SLC17A5: variants seen among roughly 807,000 people sequenced by gnomAD.
SLC17A5 encodes solute carrier family 17 member 5.
A neutral mutation model predicts 59.4 loss-of-function variants in SLC17A5; 47 were observed. The observed-to-expected ratio is 0.79, with a 90% confidence interval of 0.63 to 1.01. The LOEUF is 1.01. SLC17A5 is among the 50% of genes least tolerant of loss of function. The pLI, the probability that SLC17A5 is intolerant of heterozygous loss-of-function variation, is 0.00. For synonymous variants in SLC17A5, 202 were observed against 210.7 expected, an observed-to-expected ratio of 0.96 and a Z score of 0.36; for missense variants, 522 against 595.5, an observed-to-expected ratio of 0.88 and a Z score of 1.28.
chr6:73,632,026 G>A (rs1351790744), intron 6 of SLC17A5, among the ~76,000 whole-genome samples: 1 of 146,908 alleles, frequency 6.8e-6, no homozygotes, highest in Non-Finnish European at 1.5e-5. Flanking sequence ...CAGTCTGGTT[G>A]TACAAGGTGA....
intron 10 of SLC17A5, among the ~76,000 whole-genome samples, chr6:73,597,487 C>CA (rs370577326): frequency 2.0e-5 from 3 of 146,718 alleles, no homozygotes; most frequent in African/African-American, 7.5e-5. Context: ...CAAAACAAAA[C>CA]AAAAAAAACC....
intron 1 of SLC17A5, among the ~76,000 whole-genome samples, chr6:73,650,533 A>G (rs1249855194): frequency 1.4e-5 from 2 of 148,092 alleles, no homozygotes; most frequent in African/African-American, 5.0e-5. Context: ...AAAAAAAAAG[A>G]AAAAGAAAAA....
intron 7 of SLC17A5, among the ~76,000 whole-genome samples, chr6:73,619,227 T>G (rs1295584668): frequency 6.6e-6 from 1 of 152,176 alleles, no homozygotes; most frequent in Non-Finnish European, 1.5e-5. Flanking sequence ...TCAAGAGCCC[T>G]GAAGTGAGCA....
intron 6 of SLC17A5, among the ~76,000 whole-genome samples, chr6:73,628,649 C>T (rs902017098): frequency 2.1e-5 from 3 of 144,858 alleles, no homozygotes; most frequent in Admixed American, 7.3e-5. Flanking sequence ...GCTCAGCCAA[C>T]ATTTTGAAAG....
intron 9 of SLC17A5, among the ~76,000 whole-genome samples, chr6:73,607,679 A>C (rs1483022948): frequency 6.6e-6 from 1 of 152,094 alleles, no homozygotes; most frequent in African/African-American, 2.4e-5. Flanking sequence ...CAGGAACCTG[A>C]TGAATCCTAA....
At chr6:73,623,359 G>A (rs1217161917) in intron 6 of SLC17A5, among the ~76,000 whole-genome samples, 1 of 137,132 alleles carries the variant, frequency 7.3e-6, no homozygotes, top group Non-Finnish European at 1.6e-5. Flanking sequence ...TTTTTGAGAT[G>A]GAGTCTTGCT....
intron 1 of SLC17A5, among the ~76,000 whole-genome samples, chr6:73,651,890 G>A (rs1047520137): frequency 2.6e-5 from 4 of 152,034 alleles, no homozygotes; most frequent in Non-Finnish European, 5.9e-5. Flanking sequence ...ATCTTTTAGA[G>A]GTAAATAATT....
chr6:73,628,457 G>A (rs1768538929), intron 6 of SLC17A5, among the ~76,000 whole-genome samples: 1 of 152,088 alleles, frequency 6.6e-6, no homozygotes, highest in African/African-American at 2.4e-5. Context: ...TGTAATCCCA[G>A]CTACTCGGGA....
In SLC17A5 at chr6:73,604,327, T is replaced by A. The variant is rs78157111; in HGVS notation, c.1260-3886A>T. On this transcript the variant is annotated intron_variant, in intron 9 of 10. Coordinates refer to ENST00000355773, the MANE Select transcript of SLC17A5 (RefSeq NM_012434.5). ...CAGGCCATGAAAGATTGATGACCAC[T>A]TGGAAGAAAACAAGTTGTATGGACT... 9.2e-3 allele frequency among the ~76,000 whole-genome samples: 1,396 copies of A among 152,348 alleles called. 20 individuals are homozygous for A. The highest frequency in any genetic ancestry group is 0.031 in the African/African-American group (1,310 of 41,588).
rs913235631 is a variant in SLC17A5 at position 73,653,163 on chromosome 6, CAAT to C, written c.94+627_94+629del. On this transcript the variant is annotated intron_variant, in intron 1 of 10. Coordinates refer to ENST00000355773, the MANE Select transcript of SLC17A5 (RefSeq NM_012434.5). ...TCGATGTTTTTAGTCTCTTACTGCA[CAAT>C]GTCAAGATATCAGCTGGGTTATACA... is the stretch of plus-strand genomic sequence containing the variant. 1.4e-5 allele frequency: 14 copies of C among 985,388 alleles called. No homozygotes were observed. In the Admixed American group the frequency reaches 8.0e-4, roughly 56 times the overall value. The allele number at this position is 985,388 out of a possible 1,614,324, so 61.0% of individuals were successfully genotyped here.
chr6:73,601,850 T>A (rs1356975539), intron 9 of SLC17A5, among the ~76,000 whole-genome samples: 2 of 147,692 alleles, frequency 1.4e-5, no homozygotes, highest in Non-Finnish European at 3.0e-5. Flanking sequence ...AGCCGCCCCG[T>A]CCGGGAGGTG....
intron 9 of SLC17A5, among the ~76,000 whole-genome samples, chr6:73,603,208 T>C (rs1480681906): frequency 6.6e-6 from 1 of 152,050 alleles, no homozygotes; most frequent in Admixed American, 6.6e-5. Flanking sequence ...CTCAGCTCAT[T>C]GCAACCTCCG....
Position 73,638,500 on chromosome 6 carries a change from C to G in SLC17A5, c.526-1G>C. 6.2e-7 allele frequency: 1 copy of G among 1,609,696 alleles called. No homozygotes were observed. Among genetic ancestry groups the G allele is most frequent in the Non-Finnish European group, 8.5e-7 (1 of 1,176,088 alleles). ...CATGCATGGCTGGAAATGTAACACC[C>G]TGAGAGAAGGGAACATGATATTTCT... On this transcript the variant is annotated splice_acceptor_variant, in intron 3 of 10. Transcript: ENST00000355773. LOFTEE classifies it high-confidence loss of function.
chr6:73,615,228 G>T, intron 8 of SLC17A5, 87 bp downstream of exon 8: 1 of 1,443,560 alleles, frequency 6.9e-7, no homozygotes, highest in East Asian at 2.3e-5. Flanking sequence ...TGTAAAAGTG[G>T]GAAACACACT....
At chr6:73,600,848 A>G (rs573745257) in intron 9 of SLC17A5, among the ~76,000 whole-genome samples, 93 of 152,294 alleles carry the variant, frequency 6.1e-4, no homozygotes, top group Non-Finnish European at 1.1e-3. Flanking sequence ...GTTCTTGTGA[A>G]ATTTTATGTC....
At chr6:73,602,449 AT>A (rs2150079180) in intron 9 of SLC17A5, among the ~76,000 whole-genome samples, 1 of 133,268 alleles carries the variant, frequency 7.5e-6, no homozygotes, top group East Asian at 2.0e-4. Context: ...AAAAATAAAA[AT>A]TAACAACAAC....
chr6:73,649,443 A>G (rs1581993939), intron 1 of SLC17A5, among the ~76,000 whole-genome samples: 1 of 152,314 alleles, frequency 6.6e-6, no homozygotes, highest in Admixed American at 6.5e-5. Context: ...CATCTCTACA[A>G]AAAATTTCAA....
At chr6:73,653,740 C>T in intron 1 of SLC17A5, 53 bp downstream of exon 1, 2 of 1,499,828 alleles carry the variant, frequency 1.3e-6, no homozygotes, top group Non-Finnish European at 1.8e-6. Context: ...CCAGAGACCG[C>T]CGCCCCCGGT....
At chr6:73,602,030 G>A (rs1767144486) in intron 9 of SLC17A5, among the ~76,000 whole-genome samples, 1 of 152,034 alleles carries the variant, frequency 6.6e-6, no homozygotes, top group Admixed American at 6.6e-5. Flanking sequence ...TGAGAAATCG[G>A]ATGGTTGCCG....
Sources: gnomAD v4.1 joint callset for allele counts (sites outside exome capture counted in the v4.1 genomes callset) on GRCh38, gnomAD v4.1.1 for gene constraint, MANE v1.5 for transcripts, NCBI Gene and HGNC (gene_info 2026-07-23, HGNC 2026-07-21) for gene names.